Variants in NOL4L observed in about 807,000 individuals in gnomAD.
NOL4L encodes nucleolar protein 4 like.
NOL4L carries 7 observed loss-of-function variants against 64.5 expected under a neutral mutation model. That is an observed-to-expected ratio of 0.11 (90% CI 0.06 to 0.20). NOL4L has a LOEUF of 0.20. NOL4L is among the 10% of genes least tolerant of loss of function. The probability of loss-of-function intolerance (pLI) is 1.00; values close to 1 mark genes in which losing one functional copy is unlikely to be tolerated. For missense variants in NOL4L, 680 were observed against 967.1 expected (o/e 0.70, Z 3.94); for synonymous variants, 413 against 401.0 (o/e 1.03, Z -0.36).
At chr20:32,449,077 C>T (rs1416004755) in intron 10 of NOL4L, among the ~76,000 whole-genome samples, 1 of 152,184 alleles carries the variant, frequency 6.6e-6, no homozygotes, top group Non-Finnish European at 1.5e-5. Flanking sequence ...TCCCAGGAGA[C>T]CTGGAAGCTC....
At chr20:32,513,432 G>T (rs1218019495) in intron 3 of NOL4L, among the ~76,000 whole-genome samples, 1 of 152,226 alleles carries the variant, frequency 6.6e-6, no homozygotes, top group Non-Finnish European at 1.5e-5. Flanking sequence ...GTAACTCGAG[G>T]TTACTGGGGA....
rs1600821115 is a variant in NOL4L, at chr20:32,520,948, T to C, written c.478-26A>G. The C allele has an allele frequency of 2.0e-6, 3 of 1,503,018 alleles. No homozygotes were observed. The East Asian group carries it at 7.4e-5, about 37-fold the overall frequency. 93.1% of individuals were successfully genotyped at this position (1,503,018 alleles called of 1,614,324 possible). ...CTGGAGGAGAGAAGAGCTTCGCTTG[T>C]TATATGGATCTGTGGGGAGGCAACT... On this transcript the variant is annotated intron_variant, in intron 2 of 10. Coordinates refer to ENST00000621426, the MANE Select transcript of NOL4L (RefSeq NM_001256798.2).
chr20:32,486,590 T>C, intron 4 of NOL4L: 2 of 385,354 alleles, frequency 5.2e-6, no homozygotes, highest in Non-Finnish European at 5.4e-6. Flanking sequence ...TTAGGACAAA[T>C]AGGATCTTAG....
At chr20:32,492,993 G>A (rs1357530183) in intron 4 of NOL4L, among the ~76,000 whole-genome samples, 3 of 152,010 alleles carry the variant, frequency 2.0e-5, no homozygotes, top group Non-Finnish European at 2.9e-5. Flanking sequence ...AGAGCAGGAG[G>A]AATCCACCAG....
chr20:32,520,416 T>C (rs1224756731), intron 3 of NOL4L: 1 of 160,132 alleles, frequency 6.2e-6, no homozygotes, highest in Non-Finnish European at 1.4e-5. Context: ...GGAGGATGCA[T>C]GCACACGTCT....
intron 5 of NOL4L, among the ~76,000 whole-genome samples, chr20:32,470,101 C>T (rs2014895337): frequency 1.3e-5 from 2 of 152,256 alleles, no homozygotes; most frequent in South Asian, 2.1e-4. Context: ...CTGCAGAAGG[C>T]GGATGCAGGC....
chr20:32,487,066 C>T (rs1317966195), intron 4 of NOL4L, among the ~76,000 whole-genome samples: 1 of 151,914 alleles, frequency 6.6e-6, no homozygotes, highest in African/African-American at 2.4e-5. Flanking sequence ...GTCAGGGGTT[C>T]GAGACCAGCC....
At chr20:32,517,500 C>T (rs1042947525) in intron 3 of NOL4L, among the ~76,000 whole-genome samples, 8 of 152,218 alleles carry the variant, frequency 5.3e-5, no homozygotes, top group East Asian at 1.9e-4. Context: ...AACCTGGGGA[C>T]GGTCCAGGAG....
chr20:32,447,796 T>C lies in NOL4L; in HGVS notation c.1843A>G (p.Lys615Glu). ...HSNGPTDLSMKGGASTTSTTP... is the reference protein window; with the variant it reads ...HSNGPTDLSMEGGASTTSTTP... Reference sequence around the variant, plus strand: ...GTGGAGGTGGTAGAGGCCCCGCCTTTCATGCTGAGGTCCGTGGGCCCTGTG... The same window carrying C: ...GTGGAGGTGGTAGAGGCCCCGCCTTCCATGCTGAGGTCCGTGGGCCCTGTG... The change falls in exon 11 of 11, where the codon AAA becomes GAA. Residue 615 changes from lysine (K) to glutamate (E), a missense_variant. Around this residue, in one of 4 missense-constraint regions of NOL4L, gnomAD observed 175 missense variants for 227.0 expected, o/e 0.77. Transcript: ENST00000621426. 6.4e-7 allele frequency: 1 copy of C among 1,567,450 alleles called. No individual in the cohort carries two copies.
At chr20:32,516,113 G>A (rs768866852) in intron 3 of NOL4L, among the ~76,000 whole-genome samples, 3 of 152,110 alleles carry the variant, frequency 2.0e-5, no homozygotes, top group Non-Finnish European at 4.4e-5. Context: ...CCTACAGCAC[G>A]AAGAACTCTC....
rs533144120 is a variant in NOL4L, at chr20:32,471,735, T to G, written c.841+2866A>C. Among the ~76,000 whole-genome samples the G allele has an allele frequency of 1.8e-3, 273 of 152,084 alleles. 2 individuals carry two copies. The highest frequency in any genetic ancestry group is 2.0e-3 in the Non-Finnish European group (135 of 67,974). On this transcript the variant is annotated intron_variant, in intron 5 of 10. Coordinates refer to ENST00000621426, the MANE Select transcript of NOL4L (RefSeq NM_001256798.2). The stretch of plus-strand genomic sequence containing the variant: ...TCATGAGGGGCAGATTCCTTATGAG[T>G]GGCTGGGTGCTGTATGGAGTGAGTT...
chr20:32,466,140 G>A (rs749501334), intron 5 of NOL4L, among the ~76,000 whole-genome samples: 4 of 152,110 alleles, frequency 2.6e-5, no homozygotes, highest in Non-Finnish European at 4.4e-5. Flanking sequence ...GCTAATTTTT[G>A]TATTTTTAGT....
At chr20:32,484,386 C>T (rs2015952417) in intron 4 of NOL4L, among the ~76,000 whole-genome samples, 1 of 152,048 alleles carries the variant, frequency 6.6e-6, no homozygotes, top group African/African-American at 2.4e-5. Context: ...CGCTGCCCAC[C>T]GGCTGCCCCT....
chr20:32,545,678 G>A (rs1381887201), intron 1 of NOL4L, among the ~76,000 whole-genome samples: 1 of 152,128 alleles, frequency 6.6e-6, no homozygotes, highest in Non-Finnish European at 1.5e-5. Context: ...GGTTCTCACA[G>A]CCCACATCCC....
At chr20:32,500,515 A>C (rs2016877369) in intron 4 of NOL4L, among the ~76,000 whole-genome samples, 1 of 142,316 alleles carries the variant, frequency 7.0e-6, no homozygotes, top group South Asian at 2.3e-4. Flanking sequence ...CACCACGCCC[A>C]GCTAATTTTT....
At chr20:32,529,637 G>C (rs1244106197) in intron 1 of NOL4L, among the ~76,000 whole-genome samples, 12 of 152,220 alleles carry the variant, frequency 7.9e-5, no homozygotes, top group Admixed American at 6.5e-4. Flanking sequence ...CAGATGGGGG[G>C]CAAAGGGCAT....
intron 4 of NOL4L, among the ~76,000 whole-genome samples, chr20:32,488,620 G>A (rs2016197377): frequency 6.6e-6 from 1 of 152,182 alleles, no homozygotes; most frequent in Non-Finnish European, 1.5e-5. Context: ...GTCAATCTGA[G>A]GGAGGAAGAA....
At chr20:32,545,873 T>C (rs1326548132) in intron 1 of NOL4L, among the ~76,000 whole-genome samples, 4 of 115,468 alleles carry the variant, frequency 3.5e-5, no homozygotes, top group South Asian at 5.0e-4. Context: ...GCCATTATTC[T>C]TGTGTCCAGA....
At chr20:32,528,840 TG>T (rs2145582755) in intron 1 of NOL4L, among the ~76,000 whole-genome samples, 1 of 152,212 alleles carries the variant, frequency 6.6e-6, no homozygotes, top group East Asian at 1.9e-4. Context: ...GGGGAGTCTG[TG>T]GGGACGTTAG....
Sources: gnomAD v4.1 joint callset for allele counts (sites outside exome capture counted in the v4.1 genomes callset) on GRCh38, gnomAD v4.1.1 for gene constraint, gnomAD v4.1.1 regional missense constraint, MANE v1.5 for transcripts, NCBI Gene and HGNC (gene_info 2026-07-23, HGNC 2026-07-21) for gene names.